The following CSMD1 variants were observed in gnomAD, a reference collection of about 807,000 sequenced individuals.
CSMD1 encodes CUB and Sushi multiple domains 1, also known as CUB and sushi domain-containing protein 1.
In CSMD1, 213 loss-of-function variants were observed where a neutral mutation model predicts 417.5. That is an observed-to-expected ratio of 0.51 (90% confidence interval 0.46 to 0.57). CSMD1 has a LOEUF of 0.57. Among genes scored for constraint, CSMD1 ranks in the 20% least tolerant of loss-of-function variants. CSMD1 has a pLI of 0.00. For synonymous variants in CSMD1, 2,862 were observed against 1,736.8 expected (o/e 1.65, Z -16.11); for missense variants, 6,923 against 4,529.7 (o/e 1.53, Z -15.17).
chr8:3,244,723 A>G (rs112123617), intron 26 of CSMD1, among the ~76,000 whole-genome samples: 4 of 152,316 alleles, frequency 2.6e-5, no homozygotes, highest in African/African-American at 9.6e-5. Context: ...AGTGAATGCT[A>G]TTTGGGAAAC....
At chr8:4,729,130 C>G (rs1266631625) in intron 1 of CSMD1, among the ~76,000 whole-genome samples, 2 of 151,878 alleles carry the variant, frequency 1.3e-5, no homozygotes, top group Non-Finnish European at 2.9e-5. Context: ...AGGAGGAAGA[C>G]TAAACAAAGA....
chr8:4,611,304 G>C (rs186512969), intron 2 of CSMD1, among the ~76,000 whole-genome samples: 20 of 152,268 alleles, frequency 1.3e-4, no homozygotes, highest in African/African-American at 4.8e-4. Flanking sequence ...AAATATGAAA[G>C]TTTGTATTAT....
intron 34 of CSMD1, 107 bp from the exon 35 acceptor site, chr8:3,189,118 T>C: frequency 1.1e-6 from 1 of 884,758 alleles, no homozygotes; most frequent in East Asian, 2.9e-5. Context: ...AAAATGTACA[T>C]GAACAATGAT....
At chr8:4,615,628 T>G (rs1364226164) in intron 2 of CSMD1, among the ~76,000 whole-genome samples, 1 of 152,186 alleles carries the variant, frequency 6.6e-6, no homozygotes, top group Non-Finnish European at 1.5e-5. Context: ...AAGTCATTCT[T>G]AAATAATAAA....
At chr8:4,925,073 A>G (rs73510041) in intron 1 of CSMD1, among the ~76,000 whole-genome samples, 3,735 of 152,274 alleles carry the variant, frequency 0.025, 118 homozygotes, top group African/African-American at 0.074. Flanking sequence ...GGTTGTTATC[A>G]AGCATATTTG....
chr8:3,887,244 A>G lies in CSMD1; in HGVS notation c.818+110659T>C, dbSNP rs138469499. 4.6e-5 allele frequency among the ~76,000 whole-genome samples: 7 copies of G among 152,258 alleles called. No homozygotes were observed. In the East Asian group the frequency reaches 7.7e-4, roughly 17 times the overall value. On this transcript the variant is annotated intron_variant, in intron 5 of 69. Transcript: ENST00000635120. ...CATCTTAGCCATGAGAAGGACATCAATGTTCTTGCACAGCAGTGGTGACAC... is the reference window on the plus strand; with the variant it reads ...CATCTTAGCCATGAGAAGGACATCAGTGTTCTTGCACAGCAGTGGTGACAC...
At chr8:3,738,810 G>A (rs962531091) in intron 6 of CSMD1, among the ~76,000 whole-genome samples, 2 of 152,146 alleles carry the variant, frequency 1.3e-5, no homozygotes, top group African/African-American at 4.8e-5. Context: ...AGGCTCACAC[G>A]CGTGACACCA....
At chr8:4,595,387 C>CTTTTTTTTTTTTTTTTTTTTTT in intron 2 of CSMD1, among the ~76,000 whole-genome samples, 11 of 147,412 alleles carry the variant, frequency 7.5e-5, no homozygotes, top group East Asian at 2.0e-4. Flanking sequence ...CATTCATTTT[C>CTTTTTTTTTTTTTTTTTTTTTT]ATTCCATCCA....
chr8:4,739,915 C>G (rs1200419435), intron 1 of CSMD1, among the ~76,000 whole-genome samples: 1 of 152,170 alleles, frequency 6.6e-6, no homozygotes, highest in Non-Finnish European at 1.5e-5. Context: ...ACCCTCCCTT[C>G]TTCAGTTGCT....
chr8:4,977,553 C>A (rs747227082), intron 1 of CSMD1, among the ~76,000 whole-genome samples: 1 of 152,214 alleles, frequency 6.6e-6, no homozygotes, highest in Non-Finnish European at 1.5e-5. Flanking sequence ...ACACAGCGCA[C>A]AGTGGCTGGC....
intron 3 of CSMD1, among the ~76,000 whole-genome samples, chr8:4,050,842 G>C (rs187409699): frequency 6.6e-6 from 1 of 152,106 alleles, no homozygotes. Context: ...TAAAATTTTA[G>C]AGAAGATTCT....
intron 3 of CSMD1, among the ~76,000 whole-genome samples, chr8:4,047,287 G>C (rs1483588318): frequency 6.6e-6 from 1 of 152,098 alleles, no homozygotes; most frequent in Non-Finnish European, 1.5e-5. Context: ...GAGGAAGGGA[G>C]GAAGGAGAGA....
At position 3,956,428 on chromosome 8, in the gene CSMD1, C is replaced by T. The variant is rs1000639687; in HGVS notation, c.818+41475G>A. On this transcript the variant is annotated intron_variant, in intron 5 of 69. Coordinates refer to ENST00000635120, the MANE Select transcript of CSMD1 (RefSeq NM_033225.6). ...TCTAACTGGAGGCATGTATGTTTAG[C>T]CACTATGCTGTTGCCTTGTGATAGC... Among the ~76,000 whole-genome samples, 14 of 152,234 alleles carry T rather than the reference C, an allele frequency of 9.2e-5. No individual in the cohort carries two copies. The East Asian group carries it at 2.7e-3, about 29-fold the overall frequency.
At chr8:3,076,907 C>T (rs756310050) in intron 49 of CSMD1, among the ~76,000 whole-genome samples, 1 of 152,132 alleles carries the variant, frequency 6.6e-6, no homozygotes, top group Non-Finnish European at 1.5e-5. Context: ...GGATATACTA[C>T]ATAATGAAGG....
At chr8:3,262,579 C>G (rs952924646) in intron 26 of CSMD1, among the ~76,000 whole-genome samples, 2 of 151,430 alleles carry the variant, frequency 1.3e-5, no homozygotes, top group African/African-American at 2.4e-5. Flanking sequence ...GACAAAGATT[C>G]CCTGTTAAAA....
intron 3 of CSMD1, among the ~76,000 whole-genome samples, chr8:4,171,498 C>A (rs1797761809): frequency 6.6e-6 from 1 of 151,818 alleles, no homozygotes; most frequent in Non-Finnish European, 1.5e-5. Flanking sequence ...CATATGTGAT[C>A]AATCTTTGTA....
At chr8:4,142,644 G>A (rs954490185) in intron 3 of CSMD1, among the ~76,000 whole-genome samples, 2 of 151,024 alleles carry the variant, frequency 1.3e-5, no homozygotes, top group Non-Finnish European at 2.9e-5. Flanking sequence ...AAATGAGAGA[G>A]AAAACAGTAA....
At chr8:3,023,557 C>T (rs955285335) in intron 51 of CSMD1, among the ~76,000 whole-genome samples, 5 of 152,094 alleles carry the variant, frequency 3.3e-5, no homozygotes, top group African/African-American at 1.2e-4. Flanking sequence ...TTAAGGGTGA[C>T]TATGCTCTCC....
At chr8:4,387,561 C>A in intron 3 of CSMD1, among the ~76,000 whole-genome samples, 1 of 16,308 alleles carries the variant, frequency 6.1e-5, no homozygotes, top group African/African-American at 1.4e-4. Flanking sequence ...ATGCATAAAT[C>A]CAAACTGGCA....
Sources: allele counts gnomAD v4.1 joint callset (sites outside exome capture counted in the v4.1 genomes callset), GRCh38; gene constraint gnomAD v4.1.1; transcripts MANE v1.5; gene names NCBI Gene and HGNC (gene_info 2026-07-23, HGNC 2026-07-21).